The following MPP7 variants were observed in gnomAD, a reference collection of about 807,000 sequenced individuals.
MPP7 encodes MAGUK p55 scaffold protein 7.
Under a neutral mutation model 76.5 loss-of-function variants are expected in MPP7, and 60 were observed. The ratio of observed to expected loss-of-function variants is 0.78; its 90% confidence interval spans 0.64 to 0.97. The LOEUF is 0.97. Among genes scored for constraint, MPP7 ranks in the 50% least tolerant of loss-of-function variants. The pLI, the probability that MPP7 is intolerant of heterozygous loss-of-function variation, is 0.00. For synonymous variants in MPP7, 237 were observed against 244.5 expected, an observed-to-expected ratio of 0.97 and a Z score of 0.29; for missense variants, 641 against 694.0, an observed-to-expected ratio of 0.92 and a Z score of 0.86.
intron 3 of MPP7, among the ~76,000 whole-genome samples, chr10:28,166,433 G>A (rs1247140094): frequency 1.6e-5 from 2 of 123,184 alleles, no homozygotes; most frequent in Non-Finnish European, 3.2e-5. Context: ...TTGGGACAGA[G>A]TTCTGGTCTT....
chr10:28,076,088 G>A (rs1430672388), intron 12 of MPP7, among the ~76,000 whole-genome samples: 1 of 152,180 alleles, frequency 6.6e-6, no homozygotes, highest in East Asian at 1.9e-4. Flanking sequence ...ACCAATAGAA[G>A]TTGCTGGAAT....
intron 1 of MPP7, among the ~76,000 whole-genome samples, chr10:28,300,949 GA>G (rs71523600): frequency 0.11 from 11,614 of 108,460 alleles, 825 homozygotes; most frequent in East Asian, 0.44. Flanking sequence ...CTCCACCTCA[GA>G]AAAAAAAAAA....
At chr10:28,326,515 A>T (rs1021063106) in intron 2 of MPP7, among the ~76,000 whole-genome samples, 2 of 152,186 alleles carry the variant, frequency 1.3e-5, no homozygotes, top group African/African-American at 4.8e-5. Flanking sequence ...GCTCAATTTT[A>T]AAAAGAAAAA....
At chr10:28,161,351 A>ACCC (rs1282358179) in intron 3 of MPP7, among the ~76,000 whole-genome samples, 1 of 65,342 alleles carries the variant, frequency 1.5e-5, no homozygotes, top group Admixed American at 1.7e-4. Context: ...ACCCCCTCCC[A>ACCC]CCCCCCGCAG....
At chr10:28,195,679 G>A (rs1837557459) in intron 3 of MPP7, among the ~76,000 whole-genome samples, 1 of 152,160 alleles carries the variant, frequency 6.6e-6, no homozygotes, top group African/African-American at 2.4e-5. Context: ...TCCAGGATAG[G>A]CAAATACATA....
chr10:28,274,040 G>A (rs78561960), intron 1 of MPP7, among the ~76,000 whole-genome samples: 22,442 of 150,956 alleles, frequency 0.15, 1,766 homozygotes, highest in South Asian at 0.19. Flanking sequence ...CAAGCAGATT[G>A]CTTGAGTCCA....
chr10:28,200,592 G>T (rs1837738105), intron 3 of MPP7, among the ~76,000 whole-genome samples: 1 of 152,148 alleles, frequency 6.6e-6, no homozygotes, highest in African/African-American at 2.4e-5. Flanking sequence ...TCTTTTAATA[G>T]AAATAACAAC....
At chr10:28,286,068 G>A (rs779747255) in intron 1 of MPP7, among the ~76,000 whole-genome samples, 6 of 152,066 alleles carry the variant, frequency 3.9e-5, no homozygotes, top group Non-Finnish European at 5.9e-5. Context: ...TCTTTCGCCC[G>A]GGATGGTGGC....
chr10:28,208,584 G>A (rs944003586), intron 2 of MPP7, among the ~76,000 whole-genome samples: 2 of 151,812 alleles, frequency 1.3e-5, no homozygotes, highest in Non-Finnish European at 2.9e-5. Flanking sequence ...TATGAAAGGA[G>A]AAAGAAAAAG....
chr10:28,229,819 G>A (rs1336401675), intron 2 of MPP7, among the ~76,000 whole-genome samples: 1 of 151,862 alleles, frequency 6.6e-6, no homozygotes, highest in Non-Finnish European at 1.5e-5. Context: ...AACCCGGGAG[G>A]CGGAGCTTGC....
chr10:28,221,756 T>C (rs575207716), intron 2 of MPP7, among the ~76,000 whole-genome samples: 1 of 152,344 alleles, frequency 6.6e-6, no homozygotes, highest in East Asian at 1.9e-4. Flanking sequence ...TGCCTTATCT[T>C]AAAACATGTT....
chr10:28,072,917 C>T (rs924500445), intron 12 of MPP7, among the ~76,000 whole-genome samples: 13 of 152,128 alleles, frequency 8.5e-5, no homozygotes, highest in African/African-American at 3.1e-4. Context: ...CTTTATCACA[C>T]TTGCCAATGA....
chr10:28,181,791 C>T lies in MPP7; in HGVS notation c.156+20362G>A, dbSNP rs567474650. Among the ~76,000 whole-genome samples the T allele has an allele frequency of 4.6e-5, 7 of 152,316 alleles. No individual in the cohort carries two copies. The South Asian group carries it at 1.5e-3, about 32-fold the overall frequency. Reference sequence around the variant, plus strand: ...TTAGACTAGGTGCTAAAAATACATTCTATAGATGCTTACAACCAAATGAGA... The same window carrying T: ...TTAGACTAGGTGCTAAAAATACATTTTATAGATGCTTACAACCAAATGAGA... On this transcript the variant is annotated intron_variant, in intron 3 of 16. Coordinates refer to ENST00000683449, the MANE Select transcript of MPP7 (RefSeq NM_001318170.2).
At chr10:28,161,202 A>G (rs1836250105) in intron 3 of MPP7, among the ~76,000 whole-genome samples, 1 of 152,118 alleles carries the variant, frequency 6.6e-6, no homozygotes, top group Admixed American at 6.6e-5. Context: ...ATGCACATTT[A>G]TGTTCTAAAA....
intron 9 of MPP7, 46 bp downstream of exon 9, chr10:28,120,548 T>G (rs758211718): frequency 6.4e-7 from 1 of 1,565,404 alleles, no homozygotes; most frequent in Non-Finnish European, 8.8e-7. Flanking sequence ...TGGAAAAACA[T>G]GACTTCCCTC....
chr10:28,149,915 G>C (rs543614354), intron 4 of MPP7, 67 bp downstream of exon 4: 1 of 1,212,474 alleles, frequency 8.2e-7, no homozygotes, highest in Admixed American at 1.9e-5. Flanking sequence ...GTCTGCACTA[G>C]GACAGGTTCT....
intron 13 of MPP7, 135 bp from the exon 14 acceptor site, chr10:28,059,878 AT>A (rs1851708887): frequency 1.5e-6 from 1 of 646,628 alleles, no homozygotes; most frequent in Non-Finnish European, 2.7e-6. Context: ...AAATTAGCTA[AT>A]AAAATACAGT....
chr10:28,290,284 TC>T (rs1277897375), intron 1 of MPP7, among the ~76,000 whole-genome samples: 3 of 148,018 alleles, frequency 2.0e-5, no homozygotes, highest in African/African-American at 5.1e-5. Flanking sequence ...CTTTTTACTT[TC>T]CTTTTTTTTT....
chr10:28,097,280 C>T (rs1336049925), intron 11 of MPP7, among the ~76,000 whole-genome samples: 2 of 152,084 alleles, frequency 1.3e-5, no homozygotes, highest in Non-Finnish European at 2.9e-5. Context: ...CCATACCTCG[C>T]CTTTCATTCT....
Sources: gnomAD v4.1 joint callset for allele counts (sites outside exome capture counted in the v4.1 genomes callset) on GRCh38, gnomAD v4.1.1 for gene constraint, MANE v1.5 for transcripts, NCBI Gene and HGNC (gene_info 2026-07-23, HGNC 2026-07-21) for gene names.